CENPO: variants seen among roughly 807,000 people sequenced by gnomAD.
CENPO encodes centromere protein O, also known as centromeric protein O.
A neutral mutation model predicts 36.1 loss-of-function variants in CENPO; 30 were observed. The observed-to-expected ratio is 0.83, with a 90% CI of 0.62 to 1.13. CENPO has a LOEUF of 1.13. CENPO is among the 50% of genes most tolerant of loss of function. CENPO has a pLI of 0.00. For missense variants in CENPO, 349 were observed against 357.8 expected (o/e 0.98, Z 0.20); for synonymous variants, 171 against 142.3 (o/e 1.20, Z -1.44).
chr2:24,809,704 GA>G (rs1361515497), intron 3 of CENPO, among the ~76,000 whole-genome samples: 3 of 151,550 alleles, frequency 2.0e-5, no homozygotes, highest in Non-Finnish European at 4.4e-5. Flanking sequence ...CCAAAAATTT[GA>G]GTATTTGGTT....
chr2:24,811,299 T>TTTTTTTTAG (rs1666672731), intron 3 of CENPO, among the ~76,000 whole-genome samples: 1 of 141,196 alleles, frequency 7.1e-6, no homozygotes, highest in Admixed American at 7.0e-5. Flanking sequence ...TTTTTTTTTT[T>TTTTTTTTAG]GAGACGGAGC....
At position 24,821,047 on chromosome 2, in the gene CENPO, ACC is replaced by A. The variant is rs3214642; in HGVS notation, c.*1738_*1739del. 3.1e-4 allele frequency: 163 copies of A among 532,712 alleles called. No homozygotes were observed. The highest frequency in any genetic ancestry group is 1.4e-3 in the South Asian group (47 of 33,904). The allele number at this position is 532,712 out of a possible 1,614,324, so 33.0% of individuals were successfully genotyped here. On this transcript the variant is annotated 3_prime_UTR_variant, in exon 8 of 8. Coordinates refer to ENST00000380834, the MANE Select transcript of CENPO (RefSeq NM_001322101.2). Reference sequence around the variant, plus strand: ...GTGTGCTTGTTAGGTGTCAGCCGCCACCCCCCCCCCATATGCAGATTTACTCG... The same window carrying A: ...GTGTGCTTGTTAGGTGTCAGCCGCCACCCCCCCCATATGCAGATTTACTCG...
In CENPO at chr2:24,819,870, TC is replaced by T. The variant is rs1457108381; in HGVS notation, c.*554del. 2 of 1,548,212 alleles carry T rather than the reference TC, an allele frequency of 1.3e-6. No individual in the cohort carries two copies. The highest frequency in any genetic ancestry group is 1.4e-5 in the African/African-American group (1 of 73,318). On this transcript the variant is annotated 3_prime_UTR_variant, in exon 8 of 8. Coordinates refer to ENST00000380834, the MANE Select transcript of CENPO (RefSeq NM_001322101.2). ...ACTTCAATCCAGGAAGGTCGGGACT[TC>T]CTTCAGTTTCAAAAAATAAATTCTC...
chr2:24,808,298 T>C (rs1010314008), intron 3 of CENPO, among the ~76,000 whole-genome samples: 2 of 152,168 alleles, frequency 1.3e-5, no homozygotes, highest in African/African-American at 4.8e-5. Context: ...ACCCTCCACC[T>C]CCTGGGTTCA....
Position 24,821,007 on chromosome 2 carries a change from A to C in CENPO, c.*1689A>C. On this transcript the variant is annotated 3_prime_UTR_variant, in exon 8 of 8. Coordinates refer to ENST00000380834, the MANE Select transcript of CENPO (RefSeq NM_001322101.2). ...TATGCTATTGGAGGGTGGAAATCAC[A>C]TCTCCTGTTTATCCGTGTGCTTGTT... is the stretch of plus-strand genomic sequence containing the variant. 1 of 1,029,742 alleles carries C rather than the reference A, an allele frequency of 9.7e-7. No homozygotes were observed. The highest frequency in any genetic ancestry group is 1.6e-5 in the African/African-American group (1 of 61,098). 63.8% of individuals were successfully genotyped at this position (1,029,742 alleles called of 1,614,324 possible).
intron 6 of CENPO, 88 bp downstream of exon 6, chr2:24,816,905 C>T: frequency 8.0e-7 from 1 of 1,247,330 alleles, no homozygotes; most frequent in African/African-American, 1.5e-5. Context: ...TGAAGTAGAC[C>T]TCTTGAGACA....
rs143399833 is a variant in CENPO at position 24,817,717 on chromosome 2, G to A, written c.814G>A (p.Glu272Lys). The change falls in exon 7 of 8, where the codon GAA (glutamate) becomes AAA (lysine). Residue 272 changes from glutamate (E) to lysine (K), a missense_variant. Transcript: ENST00000380834. The part of the protein sequence containing the change: ...TSWEEQRASH[E>K]TLFCTKPLHQ... ...ATGGGAGGAGCAACGAGCATCTCAT[G>A]AAACTCTGTTCTGTACGAAGCCCTT... The A allele has an allele frequency of 8.8e-5, 142 of 1,614,136 alleles. No homozygotes were observed. The highest frequency in any genetic ancestry group is 1.2e-4 in the Non-Finnish European group (138 of 1,180,054).
rs927352056 is a variant in CENPO, at chr2:24,821,907, G to A, written c.*2589G>A. On this transcript the variant is annotated 3_prime_UTR_variant, in exon 8 of 8. Transcript: ENST00000380834. ...ACCACGAGGCGGACCCCTTCACCTT[G>A]GCTGGGCCTGGTCCTGGTCCTTAGG... is the stretch of plus-strand genomic sequence containing the variant. The A allele has an allele frequency of 4.8e-6, 2 of 418,410 alleles. No individual in the cohort carries two copies. Among genetic ancestry groups the A allele is most frequent in the Non-Finnish European group, 8.6e-6 (2 of 231,352 alleles). The allele number at this position is 418,410 out of a possible 1,614,324, so 25.9% of individuals were successfully genotyped here.
Position 24,821,188 on chromosome 2 carries a change from G to A in CENPO, c.*1870G>A, listed in dbSNP as rs1272362102. ...AGGTGATCTTAACTCCTTTCAAAGA[G>A]CAGGCCTGTCTGGGAAGCCATGTCC... On this transcript the variant is annotated 3_prime_UTR_variant, in exon 8 of 8. Coordinates refer to ENST00000380834, the MANE Select transcript of CENPO (RefSeq NM_001322101.2). 2 of 430,684 alleles carry A rather than the reference G, an allele frequency of 4.6e-6. No individual in the cohort carries two copies. The highest frequency in any genetic ancestry group is 4.0e-5 in the African/African-American group (2 of 50,032). 26.7% of individuals were successfully genotyped at this position (430,684 alleles called of 1,614,324 possible). A position where few individuals can be genotyped will look rare whatever the true frequency, so the allele number is the denominator to read the frequency against.
At chr2:24,815,241 A>G (rs1666886326) in intron 4 of CENPO, among the ~76,000 whole-genome samples, 1 of 151,690 alleles carries the variant, frequency 6.6e-6, no homozygotes, top group African/African-American at 2.4e-5. Context: ...CTATCTCAAA[A>G]AAAAAAAAAA....
rs143164720 is a variant in CENPO, at chr2:24,818,299, A to T, written c.*35+458A>T. 9.2e-5 allele frequency among the ~76,000 whole-genome samples: 14 copies of T among 152,332 alleles called. No homozygotes were observed. In the East Asian group the frequency reaches 2.7e-3, roughly 29 times the overall value. ...ACTCCACTCAAACTGCAATAGCTTGATTCTGTTGAGAAACACTGATCTAAA... is the reference window on the plus strand; with the variant it reads ...ACTCCACTCAAACTGCAATAGCTTGTTTCTGTTGAGAAACACTGATCTAAA... On this transcript the variant is annotated intron_variant, in intron 7 of 7. Transcript: ENST00000380834.
rs1666913504 is a variant in CENPO, at chr2:24,815,775, A to G, written c.594+19A>G. On this transcript the variant is annotated intron_variant, in intron 5 of 7. Transcript: ENST00000380834. ...GCTTCAGGTATCTCTCTGGGATGTT[A>G]TATGCCTCATCCGTGGGCCCAAGAT... The G allele has an allele frequency of 6.2e-7, 1 of 1,611,322 alleles. No homozygotes were observed. Among genetic ancestry groups the G allele is most frequent in the Non-Finnish European group, 8.5e-7 (1 of 1,177,606 alleles).
intron 3 of CENPO, among the ~76,000 whole-genome samples, chr2:24,806,256 A>G (rs1170298718): frequency 6.6e-6 from 1 of 152,006 alleles, no homozygotes; most frequent in Non-Finnish European, 1.5e-5. Context: ...GAACTCCCTG[A>G]CCCCTTGCGC....
Position 24,817,709 on chromosome 2 carries a change from C to T in CENPO, c.806C>T (p.Ala269Val). 3 of 1,614,190 alleles carry T rather than the reference C, an allele frequency of 1.9e-6. No homozygotes were observed. The highest frequency in any genetic ancestry group is 2.5e-6 in the Non-Finnish European group (3 of 1,180,038). ...VLSTSWEEQR[A>V]SHETLFCTKP... is the part of the protein sequence containing the mutation. Reference sequence around the variant, plus strand: ...TCCACTTCATGGGAGGAGCAACGAGCATCTCATGAAACTCTGTTCTGTACG... The same window carrying T: ...TCCACTTCATGGGAGGAGCAACGAGTATCTCATGAAACTCTGTTCTGTACG... The change falls in exon 7 of 8, where the codon GCA (alanine) becomes GTA (valine). Residue 269 changes from alanine to valine, a missense_variant. By Grantham distance (64) the Ala-to-Val change is moderately conservative. Coordinates refer to ENST00000380834, the MANE Select transcript of CENPO (RefSeq NM_001322101.2).
intron 2 of CENPO, among the ~76,000 whole-genome samples, chr2:24,798,502 C>T (rs1392424473): frequency 6.6e-6 from 1 of 151,990 alleles, no homozygotes. Flanking sequence ...AGTCTGTCAC[C>T]TAGGCTGGAG....
rs1163217008 is a variant in CENPO, at chr2:24,820,092, A to C, written c.*774A>C. Reference sequence around the variant, plus strand: ...AAAGCGGAAGCCGTACTCTCGGAGGATGACTTGGGTTTCTTCTACCACCTG... The same window carrying C: ...AAAGCGGAAGCCGTACTCTCGGAGGCTGACTTGGGTTTCTTCTACCACCTG... On this transcript the variant is annotated 3_prime_UTR_variant, in exon 8 of 8. Coordinates refer to ENST00000380834, the MANE Select transcript of CENPO (RefSeq NM_001322101.2). 1.4e-6 allele frequency: 2 copies of C among 1,401,748 alleles called. No homozygotes were observed. Among genetic ancestry groups the C allele is most frequent in the South Asian group, 2.4e-5 (2 of 81,820 alleles). 86.8% of individuals were successfully genotyped at this position (1,401,748 alleles called of 1,614,324 possible).
chr2:24,797,008 C>T (rs536576722), intron 2 of CENPO, among the ~76,000 whole-genome samples: 38 of 152,310 alleles, frequency 2.5e-4, no homozygotes, highest in African/African-American at 7.9e-4. Flanking sequence ...GTGAAGTCAT[C>T]GAAAGGCTTT....
At position 24,812,316 on chromosome 2, in the gene CENPO, TATA is replaced by T. The variant is rs1666729034; in HGVS notation, c.217-2056_217-2054del. ...CAGGTGTTAATCTTATGTTTGTGAA[TATA>T]ATATGTCTTTTTCTTCGGGCTTAAG... On this transcript the variant is annotated intron_variant, in intron 3 of 7. Transcript: ENST00000380834. Among the ~76,000 whole-genome samples the T allele has an allele frequency of 4.6e-5, 7 of 152,322 alleles. No homozygotes were observed. In the South Asian group the frequency reaches 1.4e-3, roughly 32 times the overall value.
chr2:24,815,824 TG>T, intron 5 of CENPO, 68 bp downstream of exon 5: 2 of 1,472,978 alleles, frequency 1.4e-6, no homozygotes, highest in Non-Finnish European at 9.3e-7. Flanking sequence ...GGATGTTTTT[TG>T]TATTTTCAGT....
Sources: allele counts gnomAD v4.1 joint callset (sites outside exome capture counted in the v4.1 genomes callset), GRCh38; gene constraint gnomAD v4.1.1; transcripts MANE v1.5; gene names NCBI Gene and HGNC (gene_info 2026-07-23, HGNC 2026-07-21).